The following NAA35 variants were observed in gnomAD, a reference collection of about 807,000 sequenced individuals.
The protein encoded by NAA35 is MAK10 homolog, amino-acid N-acetyltransferase subunit.
Under a neutral mutation model 101.7 loss-of-function variants are expected in NAA35, and 18 were observed. That is an observed-to-expected ratio of 0.18 (90% CI 0.12 to 0.26). The LOEUF (loss-of-function observed/expected upper bound fraction) is 0.26, where lower values mean the gene tolerates loss of function less well. Ranked by LOEUF, NAA35 falls within the 10% of genes least tolerant of loss-of-function variation. The pLI is 1.00. For missense variants in NAA35, 601 were observed against 886.8 expected (o/e 0.68, Z 4.09); for synonymous variants, 267 against 273.1 (o/e 0.98, Z 0.22).
chr9:85,990,732 G>A (rs1189308234), intron 11 of NAA35, among the ~76,000 whole-genome samples: 1 of 152,206 alleles, frequency 6.6e-6, no homozygotes, highest in Non-Finnish European at 1.5e-5. Flanking sequence ...GCGCTAGAGC[G>A]AGACTTTGGA....
At chr9:85,975,242 C>A in intron 8 of NAA35, 85 bp downstream of exon 8, 2 of 1,329,752 alleles carry the variant, frequency 1.5e-6, no homozygotes, top group Non-Finnish European at 2.1e-6. Flanking sequence ...TGTGTAGAAC[C>A]ACCTTTCTCC....
At chr9:85,972,509 C>CAAAAA (rs34535924) in intron 6 of NAA35, among the ~76,000 whole-genome samples, 3 of 53,978 alleles carry the variant, frequency 5.6e-5, no homozygotes, top group South Asian at 8.2e-4. Flanking sequence ...GACCCTGTCT[C>CAAAAA]AAAAAAAAAA....
chr9:85,974,461 C>T (rs978938552), intron 6 of NAA35, among the ~76,000 whole-genome samples: 1 of 152,122 alleles, frequency 6.6e-6, no homozygotes, highest in Non-Finnish European at 1.5e-5. Context: ...CTGAATGACT[C>T]AGTTTTTTTC....
At chr9:85,956,200 G>T (rs1159851640) in intron 2 of NAA35, among the ~76,000 whole-genome samples, 160 bp from the exon 3 acceptor site, 4 of 152,074 alleles carry the variant, frequency 2.6e-5, no homozygotes, top group Non-Finnish European at 5.9e-5. Context: ...TCACTGTATA[G>T]AATGCATTAT....
At chr9:85,956,058 G>A (rs1829261022) in intron 2 of NAA35, among the ~76,000 whole-genome samples, 1 of 152,172 alleles carries the variant, frequency 6.6e-6, no homozygotes, top group Non-Finnish European at 1.5e-5. Flanking sequence ...AAATATACTA[G>A]TGATTTTTAA....
At chr9:85,974,536 T>G (rs960122647) in intron 6 of NAA35, among the ~76,000 whole-genome samples, 1 of 152,180 alleles carries the variant, frequency 6.6e-6, no homozygotes, top group African/African-American at 2.4e-5. Context: ...TTGAGAAATC[T>G]TAACTGTGCA....
At chr9:85,982,087 CTT>C (rs1457868734) in intron 11 of NAA35, among the ~76,000 whole-genome samples, 1 of 152,130 alleles carries the variant, frequency 6.6e-6, no homozygotes, top group East Asian at 1.9e-4. Flanking sequence ...ATAGTAATAT[CTT>C]TATGAAGATG....
chr9:86,004,394 G>A (rs888849998), intron 13 of NAA35, among the ~76,000 whole-genome samples: 6 of 151,034 alleles, frequency 4.0e-5, no homozygotes, highest in East Asian at 2.0e-4. Flanking sequence ...TTGGAGGATC[G>A]CTTGAACCTG....
chr9:85,959,237 G>A (rs753387246), intron 4 of NAA35, among the ~76,000 whole-genome samples: 4 of 151,988 alleles, frequency 2.6e-5, no homozygotes, highest in East Asian at 1.9e-4. Context: ...TTAGCTGGGC[G>A]TGGTGGCAGG....
chr9:85,971,536 T>C (rs989987881), intron 6 of NAA35, among the ~76,000 whole-genome samples: 7 of 152,206 alleles, frequency 4.6e-5, no homozygotes, highest in African/African-American at 1.7e-4. Flanking sequence ...AACTATACAA[T>C]GATGAAGTCC....
chr9:86,006,421 G>C (rs888230429), intron 13 of NAA35, among the ~76,000 whole-genome samples: 6 of 152,072 alleles, frequency 3.9e-5, no homozygotes, highest in African/African-American at 1.4e-4. Context: ...GCTGGTCAGT[G>C]GATAAACATA....
chr9:85,942,059 A>G, intron 1 of NAA35, 96 bp from the exon 2 acceptor site: 1 of 1,511,078 alleles, frequency 6.6e-7, no homozygotes, highest in Non-Finnish European at 8.9e-7. Flanking sequence ...GAGTTTAGTT[A>G]AGACTTCATC....
chr9:85,971,355 T>C (rs1829991298), intron 6 of NAA35, among the ~76,000 whole-genome samples: 1 of 152,206 alleles, frequency 6.6e-6, no homozygotes, highest in Non-Finnish European at 1.5e-5. Context: ...TGAAATACTT[T>C]TTTCTCTTTG....
At chr9:86,010,768 C>T (rs189417065) in intron 15 of NAA35, among the ~76,000 whole-genome samples, 7 of 149,996 alleles carry the variant, frequency 4.7e-5, no homozygotes, top group Admixed American at 1.3e-4. Context: ...TTAGTAGAGA[C>T]GGGGTTTCAC....
chr9:85,973,745 G>A (rs75297885), intron 6 of NAA35, among the ~76,000 whole-genome samples: 6,166 of 151,770 alleles, frequency 0.041, 489 homozygotes, highest in East Asian at 0.36. Context: ...GTAATATGAT[G>A]AGTGTTTTTT....
chr9:85,958,631 C>A (rs1304011655), intron 4 of NAA35, 45 bp downstream of exon 4: 1 of 1,284,312 alleles, frequency 7.8e-7, no homozygotes, highest in East Asian at 2.4e-5. Context: ...TCTTTTGTTA[C>A]TTCCTGTTAA....
At chr9:85,964,556 T>A (rs1230310744) in intron 6 of NAA35, among the ~76,000 whole-genome samples, 1 of 152,268 alleles carries the variant, frequency 6.6e-6, no homozygotes, top group Non-Finnish European at 1.5e-5. Flanking sequence ...TGCATTTAAT[T>A]GCGTATCTCT....
rs1587557192 is a variant in NAA35, at chr9:85,951,737, C to T, written c.125-4623C>T. 3.3e-5 allele frequency among the ~76,000 whole-genome samples: 5 copies of T among 152,186 alleles called. No individual in the cohort carries two copies. The East Asian group carries it at 9.6e-4, about 29-fold the overall frequency. The stretch of plus-strand genomic sequence containing the variant: ...GTGGCATGATCTCTGCTCACTGCCA[C>T]CCCTGCCTCTGGGTTCAAGGGATTC... On this transcript the variant is annotated intron_variant, in intron 2 of 22. Transcript: ENST00000361671.
At position 85,977,421 on chromosome 9, in the gene NAA35, T is replaced by C; in HGVS notation, c.737T>C (p.Val246Ala). 1 of 1,610,770 alleles carries C rather than the reference T, an allele frequency of 6.2e-7. No homozygotes were observed. Among genetic ancestry groups the C allele is most frequent in the South Asian group, 1.1e-5 (1 of 91,022 alleles). The stretch of plus-strand genomic sequence containing the variant: ...AAATTTACTCGTGTGTTACTGACAG[T>C]GCTTATAGCCTTTACTAAGAAAGAG... ...RVKFTRVLLT[V>A]LIAFTKKETS... Residue 246 changes from valine (V) to alanine (A), a missense_variant, in exon 10 of 23, where the codon GTG (valine) becomes GCG (alanine). Val to Ala is a moderately conservative substitution (Grantham distance 64, BLOSUM62 0). This residue lies in a region of NAA35 where 86 missense variants were observed against 169.4 expected (regional missense o/e 0.51). Coordinates refer to ENST00000361671, the MANE Select transcript of NAA35 (RefSeq NM_024635.4).
Sources: allele counts gnomAD v4.1 joint callset (sites outside exome capture counted in the v4.1 genomes callset), GRCh38; gene constraint gnomAD v4.1.1; regional missense constraint gnomAD v4.1.1; transcripts MANE v1.5; gene names NCBI Gene and HGNC (gene_info 2026-07-23, HGNC 2026-07-21).